ME1: variants seen among roughly 807,000 people sequenced by gnomAD.
The protein encoded by ME1 is malic enzyme 1.
In ME1, 74 loss-of-function variants were observed where a neutral mutation model predicts 66.4. The observed-to-expected ratio is 1.11, with a 90% CI of 0.92 to 1.35. The LOEUF (loss-of-function observed/expected upper bound fraction) is 1.35. Ranked by LOEUF, ME1 falls within the 40% of genes most tolerant of loss-of-function variation. The pLI, the probability that ME1 is intolerant of heterozygous loss-of-function variation, is 0.00. For missense variants in ME1, 750 were observed against 694.1 expected, an observed-to-expected ratio of 1.08 and a Z score of -0.90; for synonymous variants, 251 against 235.6, an observed-to-expected ratio of 1.07 and a Z score of -0.60.
rs1766834549 is a variant in ME1, at chr6:83,259,082, C to A, written c.705-5344G>T. The stretch of plus-strand genomic sequence containing the variant: ...TAACTGATCAAGAATTCACTGTAAC[C>A]AGGTTAACCAAGCATGTTTTAATTT... On this transcript the variant is annotated intron_variant, in intron 6 of 13. Coordinates refer to ENST00000369705, the MANE Select transcript of ME1 (RefSeq NM_002395.6). 3.3e-5 allele frequency among the ~76,000 whole-genome samples: 5 copies of A among 152,094 alleles called. No individual in the cohort carries two copies. The South Asian group carries it at 1.0e-3, about 32-fold the overall frequency.
intron 1 of ME1, among the ~76,000 whole-genome samples, chr6:83,429,829 T>C (rs1770447827): frequency 6.6e-6 from 1 of 152,124 alleles, no homozygotes; most frequent in Non-Finnish European, 1.5e-5. Flanking sequence ...TGAAATGCAG[T>C]CCACCAAAGA....
intron 3 of ME1, among the ~76,000 whole-genome samples, chr6:83,372,184 C>T (rs779789485): frequency 1.3e-5 from 2 of 152,056 alleles, no homozygotes; most frequent in Non-Finnish European, 2.9e-5. Context: ...GAAGTGGGGT[C>T]GATGTCTTCT....
rs540113304 is a variant in ME1 at position 83,424,893 on chromosome 6, C to A, written c.78+5984G>T. On this transcript the variant is annotated intron_variant, in intron 1 of 13. Coordinates refer to ENST00000369705, the MANE Select transcript of ME1 (RefSeq NM_002395.6). ...TGGCCATCTTAAGACTCTGAATAGA[C>A]AATTTAAATGTATTTAAATATATTC... Among the ~76,000 whole-genome samples the A allele has an allele frequency of 8.5e-5, 13 of 152,244 alleles. No individual in the cohort carries two copies. In the East Asian group the frequency reaches 2.5e-3, roughly 29 times the overall value.
At chr6:83,240,107 C>T (rs138622292) in intron 7 of ME1, among the ~76,000 whole-genome samples, 4,196 of 152,108 alleles carry the variant, frequency 0.028, 85 homozygotes, top group Admixed American at 0.057. Context: ...CCCCTTCACA[C>T]AAAGAAGGCT....
At chr6:83,284,527 C>T (rs1016618375) in intron 6 of ME1, among the ~76,000 whole-genome samples, 2 of 151,950 alleles carry the variant, frequency 1.3e-5, no homozygotes, top group African/African-American at 4.8e-5. Context: ...TCCAGCAGCA[C>T]ATAAAAAGTT....
At chr6:83,294,775 C>T (rs1427179775) in intron 6 of ME1, among the ~76,000 whole-genome samples, 3 of 152,182 alleles carry the variant, frequency 2.0e-5, no homozygotes, top group Non-Finnish European at 4.4e-5. Context: ...ACTCCCCCTG[C>T]TCCTCAATAG....
intron 7 of ME1, among the ~76,000 whole-genome samples, chr6:83,243,674 G>C (rs1376405314): frequency 8.2e-6 from 1 of 122,320 alleles, no homozygotes; most frequent in Non-Finnish European, 1.6e-5. Context: ...ACATTATATC[G>C]ATATAATCTA....
At chr6:83,284,742 C>T (rs1283880297) in intron 6 of ME1, among the ~76,000 whole-genome samples, 1 of 152,070 alleles carries the variant, frequency 6.6e-6, no homozygotes, top group African/African-American at 2.4e-5. Flanking sequence ...CAGCCAACAT[C>T]ATATTAAACT....
At position 83,407,761 on chromosome 6, in the gene ME1, G is replaced by A. The variant is rs1220406536; in HGVS notation, c.212+7C>T. ...AAATATAAAAACCACCTTCAGCAATGTGTTACCTGTCAAAGTCAGAGTTCA... is the reference window on the plus strand; with the variant it reads ...AAATATAAAAACCACCTTCAGCAATATGTTACCTGTCAAAGTCAGAGTTCA... On this transcript the variant is annotated splice_region_variant and intron_variant, in intron 2 of 13. Coordinates refer to ENST00000369705, the MANE Select transcript of ME1 (RefSeq NM_002395.6). 1.9e-6 allele frequency: 3 copies of A among 1,588,912 alleles called. No homozygotes were observed. The highest frequency in any genetic ancestry group is 2.6e-6 in the Non-Finnish European group (3 of 1,172,716).
At chr6:83,326,348 A>G (rs915796946) in intron 5 of ME1, among the ~76,000 whole-genome samples, 145 of 152,216 alleles carry the variant, frequency 9.5e-4, no homozygotes, top group African/African-American at 3.3e-3. Flanking sequence ...TTTCATGACT[A>G]AAACACCAAA....
chr6:83,380,130 G>A (rs776605092), intron 3 of ME1, among the ~76,000 whole-genome samples: 3 of 152,056 alleles, frequency 2.0e-5, no homozygotes, highest in Non-Finnish European at 4.4e-5. Flanking sequence ...ATACAGAGTT[G>A]CTACCCTCAA....
At chr6:83,234,093 A>G (rs1321670922) in intron 9 of ME1, among the ~76,000 whole-genome samples, 1 of 152,188 alleles carries the variant, frequency 6.6e-6, no homozygotes, top group Non-Finnish European at 1.5e-5. Flanking sequence ...AGTTATTCCA[A>G]GTATTATATC....
chr6:83,254,522 C>T (rs1790771175), intron 6 of ME1, among the ~76,000 whole-genome samples: 1 of 152,186 alleles, frequency 6.6e-6, no homozygotes, highest in Non-Finnish European at 1.5e-5. Context: ...TAGACCATAG[C>T]AGCAGCTTTT....
At chr6:83,281,278 A>G (rs1767281234) in intron 6 of ME1, among the ~76,000 whole-genome samples, 1 of 152,212 alleles carries the variant, frequency 6.6e-6, no homozygotes, top group Non-Finnish European at 1.5e-5. Flanking sequence ...AAATGAATAA[A>G]GTGAGCAAAA....
At chr6:83,212,889 C>T (rs1323624445) in intron 13 of ME1, among the ~76,000 whole-genome samples, 1 of 152,156 alleles carries the variant, frequency 6.6e-6, no homozygotes, top group Non-Finnish European at 1.5e-5. Flanking sequence ...ATTTCAACTA[C>T]TCAGAGAAAA....
chr6:83,415,006 G>A (rs893847671), intron 1 of ME1, among the ~76,000 whole-genome samples: 5 of 152,146 alleles, frequency 3.3e-5, no homozygotes, highest in South Asian at 2.1e-4. Flanking sequence ...CAATTGAAAC[G>A]TGTATGAATA....
At chr6:83,278,785 G>A (rs1767237580) in intron 6 of ME1, among the ~76,000 whole-genome samples, 1 of 152,098 alleles carries the variant, frequency 6.6e-6, no homozygotes, top group Admixed American at 6.5e-5. Context: ...AAATGCCAGA[G>A]CATTCTGTTC....
At chr6:83,230,197 C>T (rs1233134616) in intron 9 of ME1, among the ~76,000 whole-genome samples, 1 of 149,968 alleles carries the variant, frequency 6.7e-6, no homozygotes, top group Non-Finnish European at 1.5e-5. Context: ...TTTTTTGAGA[C>T]AGAGTTTTTG....
chr6:83,294,939 T>C (rs907936741), intron 6 of ME1, among the ~76,000 whole-genome samples: 3 of 152,200 alleles, frequency 2.0e-5, no homozygotes, highest in Non-Finnish European at 2.9e-5. Context: ...ACACTGAGAT[T>C]GCTCCAGAAC....
Sources: gnomAD v4.1 joint callset for allele counts (sites outside exome capture counted in the v4.1 genomes callset) on GRCh38, gnomAD v4.1.1 for gene constraint, MANE v1.5 for transcripts, NCBI Gene and HGNC (gene_info 2026-07-23, HGNC 2026-07-21) for gene names.